Variants in MCM6 observed in about 807,000 individuals in gnomAD.
MCM6 encodes the protein DNA replication licensing factor MCM6.
Under a neutral mutation model 94.3 loss-of-function variants are expected in MCM6, and 46 were observed. The ratio of observed to expected loss-of-function variants is 0.49; its 90% confidence interval spans 0.39 to 0.62. The LOEUF (loss-of-function observed/expected upper bound fraction) is 0.62. Among genes scored for constraint, MCM6 ranks in the 20% least tolerant of loss-of-function variants. The pLI is 0.00. For missense variants in MCM6, 865 were observed against 1,017.9 expected (o/e 0.85, Z 2.04); for synonymous variants, 335 against 351.9 (o/e 0.95, Z 0.54).
At chr2:135,850,610 A>G (rs1258975129) in intron 13 of MCM6, among the ~76,000 whole-genome samples, 1 of 152,230 alleles carries the variant, frequency 6.6e-6, no homozygotes, top group Non-Finnish European at 1.5e-5. Context: ...AGTGGAAAAA[A>G]GCCAAAAAAT....
intron 8 of MCM6, among the ~76,000 whole-genome samples, chr2:135,860,361 C>T (rs1679968785): frequency 6.6e-6 from 1 of 151,346 alleles, no homozygotes; most frequent in African/African-American, 2.4e-5. Flanking sequence ...GTCTCGATCT[C>T]CTGACCTCAT....
intron 7 of MCM6, 51 bp from the exon 8 acceptor site, chr2:135,862,799 T>C (rs1180511211): frequency 5.6e-6 from 9 of 1,594,196 alleles, no homozygotes; most frequent in Non-Finnish European, 7.7e-6. Flanking sequence ...AACATGAAGT[T>C]AAACACTTTC....
At chr2:135,849,203 T>C (rs1679723720) in intron 13 of MCM6, among the ~76,000 whole-genome samples, 1 of 152,176 alleles carries the variant, frequency 6.6e-6, no homozygotes, top group South Asian at 2.1e-4. Flanking sequence ...GAATGAAATG[T>C]GAGTATGTGT....
intron 16 of MCM6, among the ~76,000 whole-genome samples, chr2:135,843,513 G>A (rs538033207): frequency 5.9e-5 from 9 of 151,966 alleles, no homozygotes; most frequent in South Asian, 2.1e-4. Context: ...TGAGCGTATC[G>A]CCTGAGGTTA....
chr2:135,846,193 T>A, intron 15 of MCM6, 44 bp downstream of exon 15: 1 of 1,604,850 alleles, frequency 6.2e-7, no homozygotes, highest in Admixed American at 1.7e-5. Flanking sequence ...GAACAGAGCT[T>A]ACAGAAGTGA....
At position 135,872,752 on chromosome 2, in the gene MCM6, C is replaced by T; in HGVS notation, c.199G>A (p.Asp67Asn). 6.2e-7 allele frequency: 1 copy of T among 1,614,130 alleles called. No individual in the cohort carries two copies. The highest frequency in any genetic ancestry group is 8.5e-7 in the Non-Finnish European group (1 of 1,180,038). Residue 67 changes from aspartate (D) to asparagine (N), a missense_variant, in exon 2 of 17, where the codon GAC becomes AAC. Coordinates refer to ENST00000264156, the MANE Select transcript of MCM6 (RefSeq NM_005915.6). ...AGTTGCTGGTTAAATTGTTCCAGGT[C>T]CACAAAACTCACAACCAATGTGTTT... ...ERNTLVVSFV[D>N]LEQFNQQLST...
At chr2:135,866,109 CA>C (rs749199424) in intron 6 of MCM6, 22 bp downstream of exon 6, 1 of 1,611,798 alleles carries the variant, frequency 6.2e-7, no homozygotes, top group Non-Finnish European at 8.5e-7. Context: ...CAAAAACAAA[CA>C]AAAACCCCCA....
intron 11 of MCM6, among the ~76,000 whole-genome samples, chr2:135,853,493 T>C (rs1679813803): frequency 6.6e-6 from 1 of 151,958 alleles, no homozygotes; most frequent in Non-Finnish European, 1.5e-5. Flanking sequence ...GGGCCCTCAG[T>C]GTATGAGACA....
chr2:135,864,157 C>T (rs1168867418), intron 7 of MCM6, among the ~76,000 whole-genome samples: 1 of 151,980 alleles, frequency 6.6e-6, no homozygotes, highest in Non-Finnish European at 1.5e-5. Context: ...GAGTTCTTAC[C>T]ATAATCCTAA....
chr2:135,849,328 A>G (rs1234895401), intron 13 of MCM6, among the ~76,000 whole-genome samples: 1 of 152,188 alleles, frequency 6.6e-6, no homozygotes, highest in Non-Finnish European at 1.5e-5. Flanking sequence ...TGAATCTCTG[A>G]GTAACTTGAC....
chr2:135,859,051 C>T (rs1289564250), intron 9 of MCM6, among the ~76,000 whole-genome samples: 2 of 152,036 alleles, frequency 1.3e-5, no homozygotes, highest in Admixed American at 6.6e-5. Flanking sequence ...CCACCATGCC[C>T]GGCTAATTTT....
rs202039771 is a variant in MCM6, at chr2:135,872,681, A to G, written c.254+16T>C. On this transcript the variant is annotated intron_variant, in intron 2 of 16. Transcript: ENST00000264156. ...TCAACCCCTATTCAAAGTAAAGAAG[A>G]TTAATATGCCCATACCTATAGAACT... 2.4e-5 allele frequency: 38 copies of G among 1,612,290 alleles called. No homozygotes were observed. The African/African-American group carries it at 4.7e-4, about 20-fold the overall frequency.
Position 135,865,056 on chromosome 2 carries a change from A to G in MCM6, c.1035T>C (p.Asn345=). The G allele has an allele frequency of 6.4e-7, 1 of 1,561,798 alleles. No homozygotes were observed. The change falls in exon 7 of 17, where the codon AAT becomes AAC. Residue 345 remains asparagine (N), a synonymous_variant. Coordinates refer to ENST00000264156, the MANE Select transcript of MCM6 (RefSeq NM_005915.6). ...GGCTGGTACAAAGATTGTGGTATAG[A>G]TTTTTATCTTGACTCATCTCAAACA... ...EKVFEMSQDK[N]LYHNLCTSLF... is the part of the protein sequence containing the mutation.
At chr2:135,847,911 C>A in intron 14 of MCM6, 142 bp downstream of exon 14, 1 of 590,462 alleles carries the variant, frequency 1.7e-6, no homozygotes. Flanking sequence ...AACTTGTAAA[C>A]AGTGAATAGA....
At position 135,844,668 on chromosome 2, in the gene MCM6, T is replaced by A. The variant is rs1379538592; in HGVS notation, c.2226A>T (p.Ala742=). 6.3e-7 allele frequency: 1 copy of A among 1,581,074 alleles called. No homozygotes were observed. ...RKVEEEEDES[A]LKRSELVNWY... Reference sequence around the variant, plus strand: ...AGTTAACAAGCTCGCTCCTCTTTAATGCTGACTCGTCCTCTTCTGCAACAA... The same window carrying A: ...AGTTAACAAGCTCGCTCCTCTTTAAAGCTGACTCGTCCTCTTCTGCAACAA... The change falls in exon 16 of 17, where the codon GCA becomes GCT. Residue 742 remains alanine (A), a synonymous_variant. Coordinates refer to ENST00000264156, the MANE Select transcript of MCM6 (RefSeq NM_005915.6).
rs781133683 is a variant in MCM6, at chr2:135,876,410, A to C, written c.-45T>G. On this transcript the variant is annotated 5_prime_UTR_variant, in exon 1 of 17. Coordinates refer to ENST00000264156, the MANE Select transcript of MCM6 (RefSeq NM_005915.6). The stretch of plus-strand genomic sequence containing the variant: ...TTCGCCTGCGCCACGCTCGACCGCC[A>C]CAAGTCGCTTTTTTCCAGACGCTGC... The C allele has an allele frequency of 2.6e-6, 4 of 1,522,444 alleles. No homozygotes were observed. The highest frequency in any genetic ancestry group is 1.4e-5 in the African/African-American group (1 of 72,196). 94.3% of individuals were successfully genotyped at this position (1,522,444 alleles called of 1,614,324 possible).
rs1299251092 is a variant in MCM6, at chr2:135,844,701, C to A, written c.2210-17G>T. 6.5e-7 allele frequency: 1 copy of A among 1,528,112 alleles called. No individual in the cohort carries two copies. The highest frequency in any genetic ancestry group is 2.4e-5 in the East Asian group (1 of 41,544). The allele number at this position is 1,528,112 out of a possible 1,614,324, so 94.7% of individuals were successfully genotyped here. A position where few individuals can be genotyped will look rare whatever the true frequency, so the allele number is the denominator to read the frequency against. ...CGTCCTCTTCTGCAACAAAAAAACA[C>A]ATTCAAATTATCCTAGCAACTCGTA... is the stretch of plus-strand genomic sequence containing the variant. On this transcript the variant is annotated splice_polypyrimidine_tract_variant and intron_variant, in intron 15 of 16. Transcript: ENST00000264156.
chr2:135,849,192 C>A (rs573732635), intron 13 of MCM6, among the ~76,000 whole-genome samples: 2 of 152,090 alleles, frequency 1.3e-5, no homozygotes, highest in African/African-American at 2.4e-5. Flanking sequence ...ATTTCTCTGG[C>A]GAATGAAATG....
At chr2:135,848,415 G>A (rs1679709612) in intron 13 of MCM6, among the ~76,000 whole-genome samples, 1 of 152,108 alleles carries the variant, frequency 6.6e-6, no homozygotes, top group African/African-American at 2.4e-5. Context: ...ACAATATCAA[G>A]TGTTGTCAAG....
Sources: gnomAD v4.1 joint callset for allele counts (sites outside exome capture counted in the v4.1 genomes callset) on GRCh38, gnomAD v4.1.1 for gene constraint, MANE v1.5 for transcripts, NCBI Gene and HGNC (gene_info 2026-07-23, HGNC 2026-07-21) for gene names.